VPS28: variants seen among roughly 807,000 people sequenced by gnomAD.
VPS28 encodes VPS28 subunit of ESCRT-I, also known as vacuolar protein sorting-associated protein 28 homolog.
Under a neutral mutation model 33.7 loss-of-function variants are expected in VPS28, and 29 were observed. The ratio of observed to expected loss-of-function variants is 0.86; its 90% CI spans 0.64 to 1.17. VPS28 has a LOEUF of 1.17. Ranked by LOEUF, VPS28 falls within the 50% of genes most tolerant of loss-of-function variation. The pLI, the probability that VPS28 is intolerant of heterozygous loss-of-function variation, is 0.00. For missense variants in VPS28, 247 were observed against 312.2 expected (o/e 0.79, Z 1.57); for synonymous variants, 164 against 116.7 (o/e 1.40, Z -2.61).
Position 144,426,177 on chromosome 8 carries a change from C to T in VPS28, c.66+3G>A, listed in dbSNP as rs201774890. 4 of 1,607,108 alleles carry T rather than the reference C, an allele frequency of 2.5e-6. No individual in the cohort carries two copies. In the Admixed American group the frequency reaches 5.1e-5, roughly 20 times the overall value. ...GCCGGCCGGGTGGGCACCCACCACT[C>T]ACCTCATACAGCTCCGGCTTGTTCC... is the stretch of plus-strand genomic sequence containing the variant. On this transcript the variant is annotated splice_donor_region_variant and intron_variant, in intron 3 of 9. Coordinates refer to ENST00000292510, the MANE Select transcript of VPS28 (RefSeq NM_016208.4).
Position 144,426,171 on chromosome 8 carries a change from A to G in VPS28, c.66+9T>C. The G allele has an allele frequency of 6.2e-7, 1 of 1,606,504 alleles. No individual in the cohort carries two copies. The highest frequency in any genetic ancestry group is 2.2e-5 in the East Asian group (1 of 44,704). ...GCCAATGCCGGCCGGGTGGGCACCCACCACTCACCTCATACAGCTCCGGCT... is the reference window on the plus strand; with the variant it reads ...GCCAATGCCGGCCGGGTGGGCACCCGCCACTCACCTCATACAGCTCCGGCT... On this transcript the variant is annotated intron_variant, in intron 3 of 9. Coordinates refer to ENST00000292510, the MANE Select transcript of VPS28 (RefSeq NM_016208.4).
intron 7 of VPS28, 90 bp from the exon 8 acceptor site, chr8:144,424,358 T>C (rs1554876115): frequency 6.7e-6 from 10 of 1,484,290 alleles, no homozygotes; most frequent in Non-Finnish European, 9.0e-6. Context: ...CAGCCACAGC[T>C]GTCACTTGGG....
At chr8:144,425,897 C>A in intron 4 of VPS28, 125 bp from the exon 5 acceptor site, 1 of 1,516,474 alleles carries the variant, frequency 6.6e-7, no homozygotes. Context: ...CCTGGAGTGC[C>A]TCAGGAACAG....
intron 2 of VPS28, 179 bp from the exon 3 acceptor site, chr8:144,426,387 G>T (rs935722993): frequency 1.8e-5 from 14 of 775,228 alleles, no homozygotes; most frequent in Non-Finnish European, 2.7e-5. Flanking sequence ...GGGGGGACCT[G>T]ATGATAACAC....
chr8:144,425,929 C>A, intron 4 of VPS28, 97 bp downstream of exon 4: 1 of 1,474,416 alleles, frequency 6.8e-7, no homozygotes, highest in South Asian at 1.4e-5. Flanking sequence ...GACCCTGCGT[C>A]CTCCCACCCC....
At chr8:144,424,626 C>T in intron 7 of VPS28, 92 bp downstream of exon 7, 1 of 1,363,354 alleles carries the variant, frequency 7.3e-7, no homozygotes, top group South Asian at 1.2e-5. Flanking sequence ...GAGTGCTGCT[C>T]AGCTCTGGAG....
At position 144,426,512 on chromosome 8, in the gene VPS28, C is replaced by T. The variant is rs1348947882; in HGVS notation, c.38-304G>A. ...GCTCCACTGCGGCTCCCCGGGGGAC[C>T]GCATGACAGGCCCAGCTCCCCAGCT... On this transcript the variant is annotated intron_variant, in intron 2 of 9. Coordinates refer to ENST00000292510, the MANE Select transcript of VPS28 (RefSeq NM_016208.4). 1.8e-5 allele frequency: 8 copies of T among 441,078 alleles called. 1 individual carries two copies. Among genetic ancestry groups the T allele is most frequent in the South Asian group, 5.8e-5 (2 of 34,344 alleles). The allele number at this position is 441,078 out of a possible 1,614,324, so 27.3% of individuals were successfully genotyped here.
At chr8:144,423,944 T>C (rs781927601) in intron 9 of VPS28, 22 bp from the exon 10 acceptor site, 4 of 1,612,946 alleles carry the variant, frequency 2.5e-6, no homozygotes, top group South Asian at 1.1e-5. Flanking sequence ...GCACAGGGCA[T>C]GTGGGGGCTG....
In VPS28 at chr8:144,426,942, A is replaced by G; in HGVS notation, c.4T>C (p.Phe2Leu). Reference sequence around the variant, plus strand: ...CCCGGCGTGGCTGGGATCCCATGAAACATCCTCTAGGCTCTGGGGGGGGCA... The same window carrying G: ...CCCGGCGTGGCTGGGATCCCATGAAGCATCCTCTAGGCTCTGGGGGGGGCA... MFHGIPATPGIG... is the reference protein window; with the variant it reads MLHGIPATPGIG... The change falls in exon 2 of 10, where the codon TTT becomes CTT. Residue 2 changes from phenylalanine to leucine, a missense_variant. Physicochemically the swap from Phe to Leu is conservative, Grantham distance 22 (BLOSUM62 0). Transcript: ENST00000292510. 1 of 1,612,302 alleles carries G rather than the reference A, an allele frequency of 6.2e-7. No homozygotes were observed. The highest frequency in any genetic ancestry group is 8.5e-7 in the Non-Finnish European group (1 of 1,179,630).
chr8:144,425,642 C>T, intron 5 of VPS28, 41 bp downstream of exon 5: 1 of 1,608,082 alleles, frequency 6.2e-7, no homozygotes, highest in South Asian at 1.1e-5. Flanking sequence ...CACCCAAGCC[C>T]CCCAGGGCAG....
Position 144,426,083 on chromosome 8 carries a change from C to T in VPS28, c.67-20G>A. On this transcript the variant is annotated intron_variant, in intron 3 of 9. Coordinates refer to ENST00000292510, the MANE Select transcript of VPS28 (RefSeq NM_016208.4). ...CACTTCCTGCCGGAGAGAGCGGGCT[C>T]TGTGGGCCAGTGCCAACAGGGGCTG... 6.4e-7 allele frequency: 1 copy of T among 1,553,602 alleles called. No homozygotes were observed. Among genetic ancestry groups the T allele is most frequent in the South Asian group, 1.2e-5 (1 of 84,678 alleles).
chr8:144,425,562 A>C, intron 5 of VPS28, 121 bp downstream of exon 5: 1 of 1,038,708 alleles, frequency 9.6e-7, no homozygotes, highest in Non-Finnish European at 1.4e-6. Flanking sequence ...CACCCTCCTC[A>C]CGCTGGGTGG....
chr8:144,427,434 A>C (rs2130824282), intron 1 of VPS28: 1 of 153,624 alleles, frequency 6.5e-6, no homozygotes, highest in Non-Finnish European at 1.5e-5. Flanking sequence ...TATAGGGGCT[A>C]CCAGAAAAAG....
chr8:144,424,008 G>A, intron 9 of VPS28, 33 bp downstream of exon 9: 1 of 1,602,586 alleles, frequency 6.2e-7, no homozygotes, highest in Non-Finnish European at 8.5e-7. Flanking sequence ...CTCGGGCACT[G>A]CGGGGCTCTG....
intron 3 of VPS28, 23 bp downstream of exon 3, chr8:144,426,157 C>G (rs1157307715): frequency 6.2e-7 from 1 of 1,601,988 alleles, no homozygotes; most frequent in African/African-American, 1.3e-5. Flanking sequence ...CCAATGCCGG[C>G]CGGGTGGGCA....
At chr8:144,424,859 C>CT in intron 6 of VPS28, 40 bp from the exon 7 acceptor site, 1 of 1,612,174 alleles carries the variant, frequency 6.2e-7, no homozygotes, top group Non-Finnish European at 8.5e-7. Context: ...CTCAGGACAG[C>CT]AAGCCCCAGG....
chr8:144,423,711 G>A lies in VPS28; in HGVS notation c.*94C>T. On this transcript the variant is annotated 3_prime_UTR_variant, in exon 10 of 10. Coordinates refer to ENST00000292510, the MANE Select transcript of VPS28 (RefSeq NM_016208.4). ...CCAGACAGGCAGCTGCAGACAGTGA[G>A]TTGTGTGGATGACCACGGCCTGTGT... 3.3e-6 allele frequency: 5 copies of A among 1,498,352 alleles called. No homozygotes were observed. The highest frequency in any genetic ancestry group is 3.7e-6 in the Non-Finnish European group (4 of 1,089,120). The allele number at this position is 1,498,352 out of a possible 1,614,324, so 92.8% of individuals were successfully genotyped here. A position where few individuals can be genotyped will look rare whatever the true frequency, so the allele number is the denominator to read the frequency against.
At chr8:144,425,287 C>T in intron 5 of VPS28, 1 of 588,634 alleles carries the variant, frequency 1.7e-6, no homozygotes, top group Non-Finnish European at 3.0e-6. Context: ...TGCCCACCCT[C>T]TGAACCACAG....
intron 7 of VPS28, chr8:144,424,514 T>G (rs1822586375): frequency 3.8e-6 from 3 of 784,220 alleles, no homozygotes; most frequent in East Asian, 2.7e-5. Context: ...ACGCACCCTG[T>G]GCTCATCCCC....
Sources: allele counts gnomAD v4.1 joint callset, GRCh38; gene constraint gnomAD v4.1.1; transcripts MANE v1.5; gene names NCBI Gene and HGNC (gene_info 2026-07-23, HGNC 2026-07-21).